Variants in MED29 observed in about 807,000 individuals in gnomAD.
The protein encoded by MED29 is mediator of RNA polymerase II transcription subunit 29.
Under a neutral mutation model 22.0 loss-of-function variants are expected in MED29, and 14 were observed. The ratio of observed to expected loss-of-function variants is 0.64; its 90% CI spans 0.42 to 0.99. The LOEUF is 0.99. Ranked by LOEUF, MED29 falls within the 50% of genes least tolerant of loss-of-function variation. The pLI is 0.00. For missense variants in MED29, 241 were observed against 253.7 expected, an observed-to-expected ratio of 0.95 and a Z score of 0.34; for synonymous variants, 123 against 107.8, an observed-to-expected ratio of 1.14 and a Z score of -0.87.
intron 1 of MED29, among the ~76,000 whole-genome samples, 179 bp downstream of exon 1, chr19:39,391,817 T>C (rs1415139600): frequency 6.6e-6 from 1 of 152,108 alleles, no homozygotes; most frequent in African/African-American, 2.4e-5. Context: ...GCGGATCACT[T>C]GAGGTCAGGA....
chr19:39,393,089 T>G (rs1277790707), intron 2 of MED29, among the ~76,000 whole-genome samples: 1 of 82,990 alleles, frequency 1.2e-5, no homozygotes, highest in African/African-American at 6.7e-5. Flanking sequence ...TTCTTTTTTT[T>G]TTTTTTTTTT....
At position 39,397,736 on chromosome 19, in the gene MED29, G is replaced by A; in HGVS notation, c.*37G>A. 1 of 1,593,690 alleles carries A rather than the reference G, an allele frequency of 6.3e-7. No homozygotes were observed. Among genetic ancestry groups the A allele is most frequent in the Non-Finnish European group, 8.5e-7 (1 of 1,174,270 alleles). On this transcript the variant is annotated 3_prime_UTR_variant, in exon 4 of 4. Transcript: ENST00000315588. Reference sequence around the variant, plus strand: ...GGGAGTGGGGCAGGCAGTGGTTGGTGGGTGGTGTGCAAAGGGAATGAAGAG... The same window carrying A: ...GGGAGTGGGGCAGGCAGTGGTTGGTAGGTGGTGTGCAAAGGGAATGAAGAG...
intron 1 of MED29, 38 bp downstream of exon 1, chr19:39,391,676 G>C (rs1235416076): frequency 6.5e-7 from 1 of 1,542,540 alleles, no homozygotes; most frequent in South Asian, 1.2e-5. Flanking sequence ...AACTGGATTT[G>C]GTAGTCTAGA....
At chr19:39,394,119 A>C (rs1331128180) in intron 3 of MED29, among the ~76,000 whole-genome samples, 1 of 152,210 alleles carries the variant, frequency 6.6e-6, no homozygotes, top group Non-Finnish European at 1.5e-5. Flanking sequence ...ATGCACCATC[A>C]ATCTCTACCT....
rs1007133022 is a variant in MED29 at position 39,397,967 on chromosome 19, C to T, written c.*268C>T. ...TCTGTTCCACAGGCCCTCCCCCATT[C>T]TTGCCTGGGTGTGGAGCCCTGGCTG... On this transcript the variant is annotated 3_prime_UTR_variant, in exon 4 of 4. Coordinates refer to ENST00000315588, the MANE Select transcript of MED29 (RefSeq NM_017592.4). 4 of 573,556 alleles carry T rather than the reference C, an allele frequency of 7.0e-6. No homozygotes were observed. The highest frequency in any genetic ancestry group is 3.7e-5 in the African/African-American group (2 of 53,610). The allele number at this position is 573,556 out of a possible 1,614,324, so 35.5% of individuals were successfully genotyped here.
At position 39,397,572 on chromosome 19, in the gene MED29, A is replaced by T. The variant is rs2078435593; in HGVS notation, c.476A>T (p.Gln159Leu). 1 of 1,613,830 alleles carries T rather than the reference A, an allele frequency of 6.2e-7. No homozygotes were observed. ...CAGCCTGACAGCCTCCCCTACCCAC[A>T]GTACCTGGCGGTCATCAAAGCCCAG... ...AVQPDSLPYP[Q>L]YLAVIKAQIS... Residue 159 changes from glutamine to leucine, a missense_variant, in exon 4 of 4, where the codon CAG becomes CTG. Transcript: ENST00000315588.
rs1037469635 is a variant in MED29, at chr19:39,398,163, CCTCT to C, written c.*471_*474del. The C allele has an allele frequency of 4.2e-6, 1 of 236,690 alleles. No individual in the cohort carries two copies. The highest frequency in any genetic ancestry group is 8.3e-6 in the Non-Finnish European group (1 of 120,884). The allele number at this position is 236,690 out of a possible 1,614,324, so 14.7% of individuals were successfully genotyped here. On this transcript the variant is annotated 3_prime_UTR_variant, in exon 4 of 4. Coordinates refer to ENST00000315588, the MANE Select transcript of MED29 (RefSeq NM_017592.4). ...CATGGTCCTATTTCTCTCACTCTGACCTCTCTCTCTTAGTCCCCTTTAGCTGTCT... is the reference window on the plus strand; with the variant it reads ...CATGGTCCTATTTCTCTCACTCTGACCTCTCTTAGTCCCCTTTAGCTGTCT...
In MED29 at chr19:39,397,846, G is replaced by T; in HGVS notation, c.*147G>T. 1.5e-6 allele frequency: 2 copies of T among 1,365,740 alleles called. No homozygotes were observed. The highest frequency in any genetic ancestry group is 1.9e-6 in the Non-Finnish European group (2 of 1,027,890). 84.6% of individuals were successfully genotyped at this position (1,365,740 alleles called of 1,614,324 possible). ...CAGCAGGGGGCAGCAGAGGCCAACA[G>T]GGAGCTCGCAGGCCGGGCCCCTGCG... On this transcript the variant is annotated 3_prime_UTR_variant, in exon 4 of 4. Transcript: ENST00000315588.
chr19:39,393,651 T>C lies in MED29; in HGVS notation c.360+14T>C, dbSNP rs780397603. 2 of 1,609,710 alleles carry C rather than the reference T, an allele frequency of 1.2e-6. No homozygotes were observed. The highest frequency in any genetic ancestry group is 1.7e-6 in the Non-Finnish European group (2 of 1,175,960). On this transcript the variant is annotated intron_variant, in intron 3 of 3. Transcript: ENST00000315588. ...GAGCTGTGCCTGGTAAGAAGCCTTCTGGACACGGGGTAACAACAGCCGTGT... is the reference window on the plus strand; with the variant it reads ...GAGCTGTGCCTGGTAAGAAGCCTTCCGGACACGGGGTAACAACAGCCGTGT...
At chr19:39,391,772 G>A in intron 1 of MED29, 134 bp downstream of exon 1, 2 of 1,101,752 alleles carry the variant, frequency 1.8e-6, no homozygotes, top group Non-Finnish European at 2.5e-6. Flanking sequence ...GCTGGTGCAC[G>A]CCTGTGTTCC....
rs1389299774 is a variant in MED29 at position 39,397,630 on chromosome 19, G to A, written c.534G>A (p.Leu178=). 2.5e-6 allele frequency: 4 copies of A among 1,613,294 alleles called. No homozygotes were observed. Among genetic ancestry groups the A allele is most frequent in the Non-Finnish European group, 3.4e-6 (4 of 1,179,984 alleles). The change falls in exon 4 of 4, where the codon CTG becomes CTA. Residue 178 remains leucine, a synonymous_variant. Transcript: ENST00000315588. ...ISCAKDIHTA[L]LDCANKVTGK... ...GTGCCAAGGACATTCACACCGCCCT[G>A]CTGGACTGTGCCAACAAGGTCACGG...
chr19:39,398,307 T>TCC lies in MED29; in HGVS notation c.*612_*613dup, dbSNP rs2078441732. 6.5e-6 allele frequency: 1 copy of TCC among 154,252 alleles called. No individual in the cohort carries two copies. Among genetic ancestry groups the TCC allele is most frequent in the Non-Finnish European group, 1.4e-5 (1 of 69,264 alleles). The allele number at this position is 154,252 out of a possible 1,614,324, so 9.6% of individuals were successfully genotyped here. A position where few individuals can be genotyped will look rare whatever the true frequency, so the allele number is the denominator to read the frequency against. ...CCAGGGGCCACAGCCAAGCCCAGAG[T>TCC]CCCCCAGCGGCTCGCATGTCAGCCC... is the stretch of plus-strand genomic sequence containing the variant. On this transcript the variant is annotated 3_prime_UTR_variant, in exon 4 of 4. Transcript: ENST00000315588.
intron 2 of MED29, among the ~76,000 whole-genome samples, chr19:39,393,081 C>CTTTTTTTT (rs142198224): frequency 7.2e-3 from 251 of 34,680 alleles, no homozygotes; most frequent in East Asian, 0.014. Flanking sequence ...TCTTTCTTTT[C>CTTTTTTTT]TTTTTTTTTT....
chr19:39,399,829 AT>A lies in MED29; in HGVS notation c.*2131del, dbSNP rs1327403068. The A allele has an allele frequency of 6.6e-6, 1 of 152,182 alleles. No individual in the cohort carries two copies. The highest frequency in any genetic ancestry group is 1.5e-5 in the Non-Finnish European group (1 of 68,046). 9.4% of individuals were successfully genotyped at this position (152,182 alleles called of 1,614,324 possible). A position where few individuals can be genotyped will look rare whatever the true frequency, so the allele number is the denominator to read the frequency against. On this transcript the variant is annotated 3_prime_UTR_variant, in exon 4 of 4. Transcript: ENST00000315588. ...GGGGGGGCCTGATAGCCCAGCACCC[AT>A]GATACAGGGCCTACCAATGCTTAAA...
Position 39,391,622 on chromosome 19 carries a change from T to C in MED29, c.200T>C (p.Leu67Pro). The change falls in exon 1 of 4, where the codon CTG becomes CCG. Residue 67 changes from leucine (L) to proline (P), a missense_variant. Coordinates refer to ENST00000315588, the MANE Select transcript of MED29 (RefSeq NM_017592.4). ...VQRYKMLIPQ[L>P]KESLQTLMKV... ...CGTTATAAGATGCTCATCCCGCAGC[T>C]GAAGGAGAGTCTACAGGTGATTGGC... The C allele has an allele frequency of 6.2e-7, 1 of 1,603,398 alleles. No homozygotes were observed. The highest frequency in any genetic ancestry group is 2.2e-5 in the East Asian group (1 of 44,694).
At chr19:39,393,357 A>G (rs1354765106) in intron 2 of MED29, among the ~76,000 whole-genome samples, 196 bp from the exon 3 acceptor site, 1 of 151,642 alleles carries the variant, frequency 6.6e-6, no homozygotes, top group Non-Finnish European at 1.5e-5. Context: ...CGGACTCCCA[A>G]AGTGCTGGGA....
intron 3 of MED29, among the ~76,000 whole-genome samples, chr19:39,393,993 G>GT (rs1459257210): frequency 6.6e-6 from 1 of 152,146 alleles, no homozygotes; most frequent in Non-Finnish European, 1.5e-5. Flanking sequence ...GGGAGAGAGT[G>GT]GCTTAGGGAA....
intron 1 of MED29, 123 bp downstream of exon 1, chr19:39,391,761 G>T: frequency 8.2e-7 from 1 of 1,224,426 alleles, no homozygotes; most frequent in South Asian, 1.5e-5. Flanking sequence ...GTTTTGGCCT[G>T]GCTGGTGCAC....
intron 3 of MED29, among the ~76,000 whole-genome samples, chr19:39,396,777 C>T (rs1490982631): frequency 6.6e-6 from 1 of 150,504 alleles, no homozygotes; most frequent in Non-Finnish European, 1.5e-5. Context: ...GTAATTCCAG[C>T]ACTTTGGGAG....
Sources: gnomAD v4.1 joint callset for allele counts (sites outside exome capture counted in the v4.1 genomes callset) on GRCh38, gnomAD v4.1.1 for gene constraint, MANE v1.5 for transcripts, NCBI Gene and HGNC (gene_info 2026-07-23, HGNC 2026-07-21) for gene names.